TENM2: variants seen among roughly 807,000 people sequenced by gnomAD.
TENM2 encodes teneurin transmembrane protein 2, also known as teneurin-2.
Under a neutral mutation model 245.2 loss-of-function variants are expected in TENM2, and 52 were observed. That is an observed-to-expected ratio of 0.21 (90% CI 0.17 to 0.27). The LOEUF (loss-of-function observed/expected upper bound fraction) is 0.27. Ranked by LOEUF, TENM2 falls within the 10% of genes least tolerant of loss-of-function variation. The pLI is 1.00. For synonymous variants in TENM2, 1,363 were observed against 1,438.9 expected (o/e 0.95, Z 1.19); for missense variants, 3,046 against 3,666.8 (o/e 0.83, Z 4.37).
intron 11 of TENM2, 61 bp downstream of exon 13, chr5:168,125,111 T>G: frequency 7.2e-7 from 1 of 1,389,348 alleles, no homozygotes; most frequent in South Asian, 1.3e-5. Flanking sequence ...TCCATCCCAT[T>G]CTCAGATGGA....
chr5:167,292,837 G>A (rs773421883), intron 1 of TENM2, among the ~76,000 whole-genome samples: 4 of 152,186 alleles, frequency 2.6e-5, no homozygotes, highest in South Asian at 4.1e-4. Flanking sequence ...ATTTATGTCC[G>A]GAATGGCATC....
chr5:167,216,339 C>A, the TENM2 span, among the ~76,000 whole-genome samples: 3 of 152,176 alleles, frequency 2.0e-5, no homozygotes, highest in Non-Finnish European at 4.4e-5. Flanking sequence ...GGAACAGAGG[C>A]AAGTGTCAGA....
intron 2 of TENM2, among the ~76,000 whole-genome samples, chr5:167,683,257 T>TTTTCA (rs1756856252): frequency 6.6e-6 from 1 of 151,692 alleles, no homozygotes; most frequent in Admixed American, 6.6e-5. Flanking sequence ...GTCTTTTTTT[T>TTTTCA]TTTCCCCCCC....
the TENM2 span, among the ~76,000 whole-genome samples, chr5:167,258,838 G>A: frequency 7.9e-5 from 12 of 152,240 alleles, no homozygotes; most frequent in Non-Finnish European, 1.6e-4. Context: ...TTTAATATGT[G>A]TGAGAACCAT....
At chr5:167,604,394 T>C (rs185702481) in intron 2 of TENM2, among the ~76,000 whole-genome samples, 2 of 152,338 alleles carry the variant, frequency 1.3e-5, no homozygotes, top group East Asian at 3.9e-4. Context: ...GGGCATTTTT[T>C]TCAATCTCTT....
At chr5:168,150,406 G>T (rs1317989881) in intron 12 of TENM2, among the ~76,000 whole-genome samples, 1 of 152,220 alleles carries the variant, frequency 6.6e-6, no homozygotes, top group Non-Finnish European at 1.5e-5. Flanking sequence ...GGAGACAGAA[G>T]CCAACACTCT....
At chr5:168,212,561 C>T (rs762828762) in intron 20 of TENM2, among the ~76,000 whole-genome samples, 1 of 152,182 alleles carries the variant, frequency 6.6e-6, no homozygotes, top group Non-Finnish European at 1.5e-5. Flanking sequence ...GAAACATGGA[C>T]AGCTCTCCTT....
intron 12 of TENM2, among the ~76,000 whole-genome samples, chr5:168,127,700 G>T (rs1295587627): frequency 6.6e-6 from 1 of 152,144 alleles, no homozygotes; most frequent in Non-Finnish European, 1.5e-5. Flanking sequence ...AATGCTGTTT[G>T]GCTTTGCACA....
chr5:167,922,740 T>C (rs1038660035), intron 3 of TENM2, among the ~76,000 whole-genome samples: 3 of 152,216 alleles, frequency 2.0e-5, no homozygotes, highest in Non-Finnish European at 4.4e-5. Context: ...CAACCCATCC[T>C]TCAAGGGCCA....
chr5:168,229,543 TAA>T (rs200669690), intron 25 of TENM2: 1 of 151,876 alleles, frequency 6.6e-6, no homozygotes, highest in Admixed American at 6.6e-5. Flanking sequence ...TAAAAATAAA[TAA>T]ATAACTGCAG....
At chr5:168,199,823 G>C (rs1383807360) in intron 16 of TENM2, 41 bp from the exon 19 acceptor site, 1 of 1,594,198 alleles carries the variant, frequency 6.3e-7, no homozygotes, top group South Asian at 1.1e-5. Context: ...ACCTGCACAG[G>C]TGTGTTTTAG....
At chr5:167,108,175 G>A in the TENM2 span, among the ~76,000 whole-genome samples, 1 of 151,892 alleles carries the variant, frequency 6.6e-6, no homozygotes, top group Non-Finnish European at 1.5e-5. Context: ...ACCCACGCTG[G>A]AGTGCAGTGG....
intron 9 of TENM2, among the ~76,000 whole-genome samples, chr5:168,106,211 G>C (rs190813950): frequency 3.3e-5 from 5 of 152,200 alleles, no homozygotes; most frequent in African/African-American, 1.2e-4. Flanking sequence ...CTGGGGGTTG[G>C]TTTCAGCTCC....
At position 167,503,940 on chromosome 5, in the gene TENM2, A is replaced by G. The variant is rs969839277; in HGVS notation, c.502+128467A>G. Among the ~76,000 whole-genome samples, 6 of 152,274 alleles carry G rather than the reference A, an allele frequency of 3.9e-5. No homozygotes were observed. The South Asian group carries it at 1.2e-3, about 32-fold the overall frequency. ...TAAAAATAAAAGCCAGATGTATCTG[A>G]TGTTTGACAACTTCTTTCCATTAGA... On this transcript the variant is annotated intron_variant, in intron 2 of 28. Transcript: ENST00000518659.
At chr5:167,878,919 G>A (rs1424590719) in intron 3 of TENM2, among the ~76,000 whole-genome samples, 3 of 151,916 alleles carry the variant, frequency 2.0e-5, no homozygotes, top group African/African-American at 7.3e-5. Context: ...GTACTACTTT[G>A]GTCTTTGTCT....
chr5:167,927,534 T>C (rs184819544), intron 3 of TENM2, among the ~76,000 whole-genome samples: 26 of 152,304 alleles, frequency 1.7e-4, no homozygotes, highest in Non-Finnish European at 2.9e-4. Context: ...AAATCAATCC[T>C]TATTTTTATG....
At chr5:167,035,250 C>A in the TENM2 span, among the ~76,000 whole-genome samples, 1 of 151,962 alleles carries the variant, frequency 6.6e-6, no homozygotes, top group Non-Finnish European at 1.5e-5. Context: ...AAACTGGAAG[C>A]AACCACATGG....
At chr5:168,119,394 G>T (rs1475238379) in intron 10 of TENM2, among the ~76,000 whole-genome samples, 1 of 152,226 alleles carries the variant, frequency 6.6e-6, no homozygotes, top group Non-Finnish European at 1.5e-5. Flanking sequence ...TCCAAAAGCA[G>T]CTGTAACTAC....
the TENM2 span, among the ~76,000 whole-genome samples, chr5:167,152,372 A>G: frequency 1.3e-5 from 2 of 152,306 alleles, no homozygotes; most frequent in Non-Finnish European, 1.5e-5. Flanking sequence ...TATATGAAAG[A>G]CTTTATTTAA....
Sources: gnomAD v4.1 joint callset for allele counts (sites outside exome capture counted in the v4.1 genomes callset) on GRCh38, gnomAD v4.1.1 for gene constraint, MANE v1.5 for transcripts, NCBI Gene and HGNC (gene_info 2026-07-23, HGNC 2026-07-21) for gene names.